The following OR1L8 variants were observed in gnomAD, a reference collection of about 807,000 sequenced individuals.
OR1L8 encodes olfactory receptor family 1 subfamily L member 8.
For missense variants in OR1L8, 330 were observed against 377.4 expected (o/e 0.87, Z 1.04); for synonymous variants, 148 against 147.0 (o/e 1.01, Z -0.05).
At chr9:122,562,704 C>T (rs1829372621), downstream of OR1L8, among the ~76,000 whole-genome samples, 1 of 152,162 alleles carries the variant, frequency 6.6e-6, no homozygotes, top group Non-Finnish European at 1.5e-5. Context: ...GGTTCGCATG[C>T]TGTTTTGGTT....
In OR1L8 at chr9:122,567,798, A is replaced by G. The variant is rs1347035248; in HGVS notation, c.680T>C (p.Leu227Pro). The G allele has an allele frequency of 6.2e-7, 1 of 1,614,012 alleles. No individual in the cohort carries two copies. Among genetic ancestry groups the G allele is most frequent in the East Asian group, 2.2e-5 (1 of 44,884 alleles). ...TTTCCCAGAAGTAGAGGGAATCTTGAGAACTGTAGTGAGGATTCGTATATA... is the reference window on the plus strand; with the variant it reads ...TTTCCCAGAAGTAGAGGGAATCTTGGGAACTGTAGTGAGGATTCGTATATA... ...FSYIRILTTV[L>P]KIPSTSGKRK... The change falls in exon 5 of 5, where the codon CTC becomes CCC. Residue 227 changes from leucine to proline, a missense_variant. Physicochemically the swap from Leu to Pro is moderately conservative, Grantham distance 98. Transcript: ENST00000641027.
At chr9:122,553,975 A>C in the OR1L8 span, 4 of 1,613,286 alleles carry the variant, frequency 2.5e-6, no homozygotes, top group Non-Finnish European at 3.4e-6. Context: ...CTGCTCTTCT[A>C]TGGGTCTCTT....
At chr9:122,553,889 G>T in the OR1L8 span, 1 of 1,613,956 alleles carries the variant, frequency 6.2e-7, no homozygotes, top group South Asian at 1.1e-5. Context: ...GCATTTTCTG[G>T]GCTGTGTTTG....
chr9:122,557,669 T>C, the OR1L8 span, among the ~76,000 whole-genome samples: 1 of 152,094 alleles, frequency 6.6e-6, no homozygotes, highest in Admixed American at 6.6e-5. Context: ...TGTAGTTTTC[T>C]TTTCTTGTAA....
the OR1L8 span, among the ~76,000 whole-genome samples, chr9:122,551,590 C>T: frequency 6.6e-6 from 1 of 152,120 alleles, no homozygotes; most frequent in African/African-American, 2.4e-5. Context: ...AGGTGACCTG[C>T]TAGTCAGGCT....
chr9:122,553,975 A>T, the OR1L8 span: 3 of 1,613,286 alleles, frequency 1.9e-6, no homozygotes, highest in South Asian at 2.2e-5. Flanking sequence ...CTGCTCTTCT[A>T]TGGGTCTCTT....
intron 3 of OR1L8, among the ~76,000 whole-genome samples, chr9:122,573,448 A>G (rs113986361): frequency 6.6e-6 from 1 of 152,332 alleles, no homozygotes; most frequent in African/African-American, 2.4e-5. Flanking sequence ...TCTAATGGGT[A>G]TACAGTGGTA....
intron 3 of OR1L8, among the ~76,000 whole-genome samples, chr9:122,573,386 A>G (rs1829587134): frequency 6.6e-6 from 1 of 152,238 alleles, no homozygotes; most frequent in Non-Finnish European, 1.5e-5. Flanking sequence ...GAGTGGATAA[A>G]TATTTATGTG....
chr9:122,546,633 C>G, the OR1L8 span, among the ~76,000 whole-genome samples: 1 of 152,100 alleles, frequency 6.6e-6, no homozygotes, highest in Non-Finnish European at 1.5e-5. Flanking sequence ...CCTCTTCTTT[C>G]ACTTTACCAC....
At chr9:122,559,931 TTAAAGTCTCC>T in the OR1L8 span, among the ~76,000 whole-genome samples, 1 of 152,206 alleles carries the variant, frequency 6.6e-6, no homozygotes, top group Non-Finnish European at 1.5e-5. Flanking sequence ...CAGTGGGGTG[TTAAAGTCTCC>T]CACTATTATT....
At chr9:122,565,488 A>G (rs1027112049), downstream of OR1L8, among the ~76,000 whole-genome samples, 6 of 152,094 alleles carry the variant, frequency 3.9e-5, no homozygotes, top group African/African-American at 1.4e-4. Flanking sequence ...AGCAGCATGT[A>G]CTCCCACTAA....
the OR1L8 span, among the ~76,000 whole-genome samples, chr9:122,559,224 G>C: frequency 0.27 from 41,156 of 151,894 alleles, 5,763 homozygotes; most frequent in Middle Eastern, 0.35. Context: ...TCTTCAGCTT[G>C]TAGTAACCAC....
At chr9:122,555,174 A>G in the OR1L8 span, among the ~76,000 whole-genome samples, 15 of 152,228 alleles carry the variant, frequency 9.9e-5, no homozygotes, top group Non-Finnish European at 2.1e-4. Flanking sequence ...AAAAAGAAGC[A>G]CTGAAACAGA....
intron 3 of OR1L8, among the ~76,000 whole-genome samples, chr9:122,576,277 A>G (rs949890103): frequency 6.6e-6 from 1 of 152,002 alleles, no homozygotes; most frequent in African/African-American, 2.4e-5. Context: ...ACTGGAGTGC[A>G]GTGGCATGAG....
chr9:122,562,781 G>A (rs1829373526), downstream of OR1L8, among the ~76,000 whole-genome samples: 2 of 152,042 alleles, frequency 1.3e-5, no homozygotes, highest in African/African-American at 2.4e-5. Context: ...GTCCTTCTGT[G>A]CCTAGCTTAT....
At chr9:122,579,641 A>G (rs984911517) in intron 1 of OR1L8, among the ~76,000 whole-genome samples, 2 of 152,212 alleles carry the variant, frequency 1.3e-5, no homozygotes, top group Admixed American at 1.3e-4. Flanking sequence ...TTTACATTTG[A>G]GACTGAAGGA....
the OR1L8 span, among the ~76,000 whole-genome samples, chr9:122,547,383 A>G: frequency 2.0e-5 from 3 of 152,260 alleles, no homozygotes; most frequent in East Asian, 5.8e-4. Flanking sequence ...TATACTGTTT[A>G]TTTTATTTGT....
At chr9:122,562,880 C>T (rs540548957), downstream of OR1L8, among the ~76,000 whole-genome samples, 64 of 152,208 alleles carry the variant, frequency 4.2e-4, 2 homozygotes, top group South Asian at 0.013. Flanking sequence ...CATGGTGTTC[C>T]ATTGTGCACA....
Position 122,567,751 on chromosome 9 carries a change from C to T in OR1L8, c.727G>A (p.Gly243Ser). ...AGCGTCACCACGGTGAGGTAAAAAC[C>T]ACAGGTGGAGAAGGCTTTGCGTTTC... is the stretch of plus-strand genomic sequence containing the variant. ...SGKRKAFSTC[G>S]FYLTVVTLFY... The change falls in exon 5 of 5, where the codon GGT becomes AGT. Residue 243 changes from glycine (G) to serine (S), a missense_variant. Physicochemically the swap from Gly to Ser is moderately conservative, Grantham distance 56. Transcript: ENST00000641027. 6.2e-7 allele frequency: 1 copy of T among 1,614,006 alleles called. No homozygotes were observed. The highest frequency in any genetic ancestry group is 8.5e-7 in the Non-Finnish European group (1 of 1,179,990).
Sources: gnomAD v4.1 joint callset for allele counts (sites outside exome capture counted in the v4.1 genomes callset) on GRCh38, gnomAD v4.1.1 for gene constraint, MANE v1.5 for transcripts, NCBI Gene and HGNC (gene_info 2026-07-23, HGNC 2026-07-21) for gene names.